Variants in MYOF observed in about 807,000 individuals in gnomAD.
MYOF encodes myoferlin, also known as fer-1-like 3, myoferlin.
In MYOF, 244 loss-of-function variants were observed where a neutral mutation model predicts 284.2. The observed-to-expected ratio is 0.86, with a 90% confidence interval of 0.77 to 0.95. The LOEUF (loss-of-function observed/expected upper bound fraction) is 0.95. MYOF is among the 40% of genes least tolerant of loss of function. The probability of loss-of-function intolerance (pLI) is 0.00; values close to 1 mark genes in which losing one functional copy is unlikely to be tolerated. For missense variants in MYOF, 2,496 were observed against 2,560.6 expected (o/e 0.97, Z 0.54); for synonymous variants, 904 against 919.7 (o/e 0.98, Z 0.31).
chr10:93,325,948 G>T lies in MYOF; in HGVS notation c.5149C>A (p.His1717Asn), dbSNP rs1176577766. ...LDEFEANKIL[H>N]QHLGAPEERL... Reference sequence around the variant, plus strand: ...TCTTCAGGGGCCCCGAGGTGCTGGTGCAGGATTTTGTTGGCTTCTGCAATG... The same window carrying T: ...TCTTCAGGGGCCCCGAGGTGCTGGTTCAGGATTTTGTTGGCTTCTGCAATG... Residue 1717 changes from histidine to asparagine, a missense_variant, in exon 46 of 54, where the codon CAC becomes AAC. Transcript: ENST00000359263. The T allele has an allele frequency of 1.2e-6, 2 of 1,613,974 alleles. No homozygotes were observed. The highest frequency in any genetic ancestry group is 4.5e-5 in the East Asian group (2 of 44,896).
At chr10:93,443,762 T>C (rs2056347494) in intron 3 of MYOF, among the ~76,000 whole-genome samples, 1 of 152,136 alleles carries the variant, frequency 6.6e-6, no homozygotes, top group Admixed American at 6.6e-5. Flanking sequence ...ATGTATTTTG[T>C]TTTAGTTGTG....
In MYOF at chr10:93,431,023, TC is replaced by T. The variant is rs370853385; in HGVS notation, c.345+384del. ...TCTGACAATTTAGACATTTTTCTTT[TC>T]TTTTTTTTTTTTTTTTTGTTTGAGA... is the stretch of plus-strand genomic sequence containing the variant. On this transcript the variant is annotated intron_variant, in intron 4 of 53. Transcript: ENST00000359263. Among the ~76,000 whole-genome samples the T allele has an allele frequency of 9.0e-4, 115 of 127,394 alleles. 2 individuals are homozygous for T. Among genetic ancestry groups the T allele is most frequent in the African/African-American group, 2.7e-3 (102 of 38,202 alleles). 83.6% of individuals were successfully genotyped at this position (127,394 alleles called of 152,430 possible).
chr10:93,313,702 A>C (rs1026379287), intron 50 of MYOF, among the ~76,000 whole-genome samples: 13 of 152,060 alleles, frequency 8.5e-5, no homozygotes, highest in Non-Finnish European at 1.6e-4. Flanking sequence ...GGAGTTCAAG[A>C]CCAGCCTGGC....
At position 93,325,820 on chromosome 10, in the gene MYOF, C is replaced by T. The variant is rs1330571469; in HGVS notation, c.5271+6G>A. On this transcript the variant is annotated splice_donor_region_variant and intron_variant, in intron 46 of 53. Transcript: ENST00000359263. ...AATGGTCTTCAAGGGAGGGAAGGCC[C>T]TTTACCTGGGAAATGTTGGGCTGGA... The T allele has an allele frequency of 6.2e-7, 1 of 1,610,838 alleles. No homozygotes were observed. Among genetic ancestry groups the T allele is most frequent in the Non-Finnish European group, 8.5e-7 (1 of 1,178,920 alleles).
At chr10:93,394,478 T>TTTTTTTTTTTTTTTA in intron 16 of MYOF, among the ~76,000 whole-genome samples, 1 of 120,620 alleles carries the variant, frequency 8.3e-6, no homozygotes, top group Admixed American at 8.3e-5. Context: ...TTTTTTTTTT[T>TTTTTTTTTTTTTTTA]GAGACAGAGT....
At chr10:93,333,153 T>C in intron 43 of MYOF, 68 bp downstream of exon 43, 1 of 1,269,690 alleles carries the variant, frequency 7.9e-7, no homozygotes, top group Non-Finnish European at 1.2e-6. Context: ...GTTGGACACA[T>C]ATTAGAGTCT....
rs1844410874 is a variant in MYOF, at chr10:93,349,727, CTG to C, written c.4083+79_4083+80del. On this transcript the variant is annotated intron_variant, in intron 36 of 53. Transcript: ENST00000359263. ...ATTTGTCAGGTTTTGGAAATAAACT[CTG>C]TGTTTGTGTGTGTGTGTGTGAGGCA... 10 of 1,469,694 alleles carry C rather than the reference CTG, an allele frequency of 6.8e-6. No homozygotes were observed. The African/African-American group carries it at 8.4e-5, about 12-fold the overall frequency. 91.0% of individuals were successfully genotyped at this position (1,469,694 alleles called of 1,614,324 possible).
At chr10:93,310,713 A>G in intron 51 of MYOF, 70 bp from the exon 52 acceptor site, 2 of 1,378,768 alleles carry the variant, frequency 1.5e-6, no homozygotes, top group South Asian at 1.2e-5. Flanking sequence ...CAACCCAAGG[A>G]GTATTCCCCG....
intron 1 of MYOF, 123 bp downstream of exon 1, chr10:93,481,983 TA>T: frequency 1.1e-6 from 1 of 898,694 alleles, no homozygotes; most frequent in Non-Finnish European, 1.8e-6. Flanking sequence ...CCTGCGCAGG[TA>T]ACAAACGCTG....
At position 93,349,844 on chromosome 10, in the gene MYOF, T is replaced by A. The variant is rs1418185194; in HGVS notation, c.4047A>T (p.Thr1349=). Residue 1349 remains threonine (T), a synonymous_variant, in exon 36 of 54, where the codon ACA becomes ACT. Coordinates refer to ENST00000359263, the MANE Select transcript of MYOF (RefSeq NM_013451.4). The stretch of plus-strand genomic sequence containing the variant: ...AGAGAACAGAACTTGGAAAGTTGGG[T>A]GTCTTCTTAAGGTTTTTGATCACCA... The part of the protein sequence containing the change: ...ESVVIKNLKK[T]PNFPSSVLFM... 1 of 1,613,860 alleles carries A rather than the reference T, an allele frequency of 6.2e-7. No homozygotes were observed. The highest frequency in any genetic ancestry group is 1.3e-5 in the African/African-American group (1 of 74,868).
At chr10:93,384,131 C>T (rs1331876358) in intron 19 of MYOF, among the ~76,000 whole-genome samples, 2 of 152,176 alleles carry the variant, frequency 1.3e-5, no homozygotes, top group African/African-American at 2.4e-5. Context: ...AGCCCAGATT[C>T]CAGGAGGGGC....
intron 4 of MYOF, among the ~76,000 whole-genome samples, chr10:93,430,834 G>A (rs1235099334): frequency 6.6e-6 from 1 of 151,938 alleles, no homozygotes; most frequent in African/African-American, 2.4e-5. Context: ...TATAAAATAA[G>A]GTCCATGTCG....
intron 51 of MYOF, 133 bp downstream of exon 51, chr10:93,312,887 T>C (rs991582158): frequency 2.2e-6 from 2 of 921,756 alleles, no homozygotes; most frequent in Non-Finnish European, 3.2e-6. Flanking sequence ...AAAGACAAAC[T>C]GTTCCCATAA....
chr10:93,371,213 G>A (rs916145222), intron 24 of MYOF, among the ~76,000 whole-genome samples: 6 of 152,270 alleles, frequency 3.9e-5, no homozygotes, highest in East Asian at 1.9e-4. Context: ...GGATTTTAAC[G>A]TAGCTGAGTA....
chr10:93,326,691 C>T (rs1320449868), intron 45 of MYOF, among the ~76,000 whole-genome samples: 2 of 152,188 alleles, frequency 1.3e-5, no homozygotes, highest in African/African-American at 4.8e-5. Context: ...ATGGCGTGAT[C>T]TCGGCTCACT....
chr10:93,315,628 G>A (rs980109128), intron 50 of MYOF, among the ~76,000 whole-genome samples: 2 of 152,154 alleles, frequency 1.3e-5, no homozygotes, highest in African/African-American at 4.8e-5. Flanking sequence ...AATCAGGAAT[G>A]ACCCTCACAA....
At chr10:93,406,785 A>C (rs960513597) in intron 7 of MYOF, among the ~76,000 whole-genome samples, 1 of 152,150 alleles carries the variant, frequency 6.6e-6, no homozygotes, top group Admixed American at 6.5e-5. Context: ...AGTTTGAACG[A>C]AGAGGAAGAA....
chr10:93,369,815 A>C (rs760273627), intron 24 of MYOF, 39 bp from the exon 25 acceptor site: 1 of 1,609,920 alleles, frequency 6.2e-7, no homozygotes, highest in Non-Finnish European at 8.5e-7. Flanking sequence ...TACATTAGGC[A>C]CAGCAAAGAC....
intron 21 of MYOF, among the ~76,000 whole-genome samples, chr10:93,379,483 T>C (rs2133994512): frequency 6.6e-6 from 1 of 152,276 alleles, no homozygotes; most frequent in South Asian, 2.1e-4. Flanking sequence ...TTCTGGCCAG[T>C]GGAAAGTGAG....
Sources: gnomAD v4.1 joint callset for allele counts (sites outside exome capture counted in the v4.1 genomes callset) on GRCh38, gnomAD v4.1.1 for gene constraint, MANE v1.5 for transcripts, NCBI Gene and HGNC (gene_info 2026-07-23, HGNC 2026-07-21) for gene names.